OR10J1: variants seen among roughly 807,000 people sequenced by gnomAD.
OR10J1 encodes the protein olfactory receptor 10J1.
For missense variants in OR10J1, 474 were observed against 376.6 expected (o/e 1.26, Z -2.14); for synonymous variants, 202 against 143.8 (o/e 1.40, Z -2.89).
chr1:159,431,400 T>C, the OR10J1 span, among the ~76,000 whole-genome samples: 1 of 152,186 alleles, frequency 6.6e-6, no homozygotes, highest in Admixed American at 6.5e-5. Flanking sequence ...AGGAGAATGG[T>C]CCTCTCTTGA....
rs1655895917 is a variant in OR10J1, at chr1:159,440,275, T to A, written c.484T>A (p.Ser162Thr). Residue 162 changes from serine to threonine, a missense_variant, in exon 1 of 1, where the codon TCT (serine) becomes ACT (threonine). Coordinates refer to ENST00000423932, the MANE Select transcript of OR10J1 (RefSeq NM_012351.3). ...GLIVAITQVT[S>T]VFRLPFCARK... The stretch of plus-strand genomic sequence containing the variant: ...GATTGTAGCAATAACGCAAGTGACA[T>A]CTGTATTCAGGTTACCCTTCTGTGC... 2 of 1,614,018 alleles carry A rather than the reference T, an allele frequency of 1.2e-6. No homozygotes were observed. The highest frequency in any genetic ancestry group is 1.7e-6 in the Non-Finnish European group (2 of 1,180,018).
chr1:159,430,615 AAAAG>A, the OR10J1 span, among the ~76,000 whole-genome samples: 18 of 150,946 alleles, frequency 1.2e-4, no homozygotes, highest in African/African-American at 3.9e-4. Context: ...GAACATGAAA[AAAAG>A]AAAGAAAGCA....
the OR10J1 span, among the ~76,000 whole-genome samples, chr1:159,428,332 T>C: frequency 1.3e-5 from 2 of 152,152 alleles, no homozygotes; most frequent in African/African-American, 2.4e-5. Flanking sequence ...CTTTTCTCCC[T>C]AAACCCATCT....
In OR10J1 at chr1:159,439,858, C is replaced by A; in HGVS notation, c.67C>A (p.Gln23Lys). Residue 23 changes from glutamine (Q) to lysine (K), a missense_variant, in exon 1 of 1, where the codon CAG becomes AAG. Transcript: ENST00000423932. ...VFQGFSSFHE[Q>K]QITLFGVFLA... is the part of the protein sequence containing the mutation. ...CCAAGGTTTCTCTAGCTTCCATGAG[C>A]AGCAGATCACCCTTTTTGGCGTGTT... is the stretch of plus-strand genomic sequence containing the variant. The A allele has an allele frequency of 1.2e-6, 2 of 1,614,180 alleles. No individual in the cohort carries two copies. The highest frequency in any genetic ancestry group is 1.7e-6 in the Non-Finnish European group (2 of 1,180,008).
chr1:159,414,908 C>T, the OR10J1 span, among the ~76,000 whole-genome samples: 5 of 151,892 alleles, frequency 3.3e-5, no homozygotes, highest in African/African-American at 1.2e-4. Flanking sequence ...TTGTCCTTTG[C>T]CCACTTTTTA....
At chr1:159,410,893 G>A in the OR10J1 span, among the ~76,000 whole-genome samples, 1 of 150,480 alleles carries the variant, frequency 6.6e-6, no homozygotes, top group South Asian at 2.1e-4. Flanking sequence ...ATTCTGGTAT[G>A]TTGTGTCTTT....
upstream of OR10J1, among the ~76,000 whole-genome samples, chr1:159,436,572 A>G (rs902110859): frequency 6.6e-6 from 1 of 152,074 alleles, no homozygotes. Context: ...AGGTCAATGT[A>G]CCAAATCCCA....
chr1:159,430,473 T>G, the OR10J1 span, among the ~76,000 whole-genome samples: 1 of 152,126 alleles, frequency 6.6e-6, no homozygotes, highest in Non-Finnish European at 1.5e-5. Context: ...CACAGAGGTA[T>G]TTAACTCCAG....
chr1:159,402,539 GA>G, the OR10J1 span, among the ~76,000 whole-genome samples: 1 of 151,800 alleles, frequency 6.6e-6, no homozygotes, highest in Non-Finnish European at 1.5e-5. Context: ...AATTATCTAG[GA>G]ATGAACTTAA....
At chr1:159,411,845 G>A in the OR10J1 span, among the ~76,000 whole-genome samples, 60 of 152,062 alleles carry the variant, frequency 3.9e-4, no homozygotes, top group African/African-American at 1.3e-3. Context: ...AGGGCAGTTA[G>A]GCAGGAGAAG....
the OR10J1 span, chr1:159,405,491 T>G: frequency 4.0e-6 from 1 of 248,768 alleles, no homozygotes; most frequent in Non-Finnish European, 8.3e-6. Flanking sequence ...TTGAGCTCCT[T>G]GTTCCTCAAG....
chr1:159,427,270 A>C, the OR10J1 span, among the ~76,000 whole-genome samples: 2 of 151,904 alleles, frequency 1.3e-5, no homozygotes, highest in Admixed American at 6.6e-5. Flanking sequence ...AGTTTCCAAA[A>C]GAGTAGCAAA....
At chr1:159,438,752 G>A (rs551210058), upstream of OR10J1, among the ~76,000 whole-genome samples, 170 of 152,252 alleles carry the variant, frequency 1.1e-3, 3 homozygotes, top group South Asian at 0.018. Flanking sequence ...ATATGCATAA[G>A]CAAATCAGAA....
the OR10J1 span, among the ~76,000 whole-genome samples, chr1:159,408,480 G>T: frequency 1.4e-5 from 2 of 147,154 alleles, no homozygotes; most frequent in Non-Finnish European, 3.0e-5. Context: ...TGGGGGGAGG[G>T]GGGAGGGATA....
chr1:159,407,190 T>C, the OR10J1 span, among the ~76,000 whole-genome samples: 1 of 152,112 alleles, frequency 6.6e-6, no homozygotes, highest in Non-Finnish European at 1.5e-5. Context: ...AAGTGATCTC[T>C]CACAAAGAAT....
At chr1:159,424,465 A>T in the OR10J1 span, among the ~76,000 whole-genome samples, 4,990 of 148,950 alleles carry the variant, frequency 0.034, 121 homozygotes, top group Middle Eastern at 0.079. Flanking sequence ...TATAATATAA[A>T]TATATAAGTA....
At chr1:159,413,923 T>C in the OR10J1 span, among the ~76,000 whole-genome samples, 8 of 152,064 alleles carry the variant, frequency 5.3e-5, no homozygotes, top group African/African-American at 1.9e-4. Context: ...TAAATGTATG[T>C]ATAGTTCACA....
At chr1:159,406,228 A>C in the OR10J1 span, 6 of 528,732 alleles carry the variant, frequency 1.1e-5, no homozygotes, top group Admixed American at 1.2e-4. Flanking sequence ...AGTAATGGTC[A>C]CAATAATCAC....
the OR10J1 span, among the ~76,000 whole-genome samples, chr1:159,409,184 C>T: frequency 1.3e-5 from 2 of 152,072 alleles, no homozygotes; most frequent in Non-Finnish European, 2.9e-5. Flanking sequence ...TATCAGATAA[C>T]TTGCACACTG....
Sources: gnomAD v4.1 joint callset for allele counts (sites outside exome capture counted in the v4.1 genomes callset) on GRCh38, gnomAD v4.1.1 for gene constraint, MANE v1.5 for transcripts, NCBI Gene and HGNC (gene_info 2026-07-23, HGNC 2026-07-21) for gene names.